The following ACAD9 variants were observed in gnomAD, a reference collection of about 807,000 sequenced individuals.
ACAD9 encodes complex I assembly factor ACAD9, mitochondrial.
ACAD9 carries 53 observed loss-of-function variants against 70.2 expected under a neutral mutation model. That is an observed-to-expected ratio of 0.75 (90% CI 0.61 to 0.95). The LOEUF (loss-of-function observed/expected upper bound fraction) is 0.95. Ranked by LOEUF, ACAD9 falls within the 40% of genes least tolerant of loss-of-function variation. The probability of loss-of-function intolerance (pLI) is 0.00; values close to 1 mark genes in which losing one functional copy is unlikely to be tolerated. For missense variants in ACAD9, 777 were observed against 802.8 expected, an observed-to-expected ratio of 0.97 and a Z score of 0.39; for synonymous variants, 313 against 312.1, an observed-to-expected ratio of 1.00 and a Z score of -0.03.
At chr3:128,894,334 A>G (rs968040084) in intron 3 of ACAD9, among the ~76,000 whole-genome samples, 1 of 152,210 alleles carries the variant, frequency 6.6e-6, no homozygotes, top group African/African-American at 2.4e-5. Context: ...GATACTGGGC[A>G]GTGGGTCACA....
intron 2 of ACAD9, among the ~76,000 whole-genome samples, chr3:128,891,504 C>G (rs938605725): frequency 1.3e-5 from 2 of 152,166 alleles, no homozygotes; most frequent in Admixed American, 1.3e-4. Flanking sequence ...ACCTGTAATC[C>G]CAGCTACTTG....
intron 1 of ACAD9, among the ~76,000 whole-genome samples, chr3:128,881,732 TC>T (rs928504012): frequency 1.3e-5 from 2 of 152,184 alleles, no homozygotes; most frequent in Non-Finnish European, 2.9e-5. Context: ...CGCACTTTCG[TC>T]TCTGGTTTCT....
At chr3:128,880,942 T>C (rs1935074940) in intron 1 of ACAD9, among the ~76,000 whole-genome samples, 1 of 152,216 alleles carries the variant, frequency 6.6e-6, no homozygotes. Context: ...TGTATTTCAT[T>C]TTATCTTCTA....
chr3:128,887,836 AC>A (rs1935299053), intron 2 of ACAD9, among the ~76,000 whole-genome samples: 1 of 152,010 alleles, frequency 6.6e-6, no homozygotes, highest in African/African-American at 2.4e-5. Context: ...ATACAAAAAT[AC>A]ACCTATTTCA....
intron 1 of ACAD9, among the ~76,000 whole-genome samples, chr3:128,880,593 T>C (rs562969836): frequency 6.6e-6 from 1 of 152,108 alleles, no homozygotes; most frequent in East Asian, 1.9e-4. Context: ...TTTCACCATG[T>C]TGGCCAAGCT....
In ACAD9 at chr3:128,912,617, C is replaced by G. The variant is rs766491768; in HGVS notation, c.*10C>G. The G allele has an allele frequency of 5.6e-6, 9 of 1,611,022 alleles. No individual in the cohort carries two copies. The highest frequency in any genetic ancestry group is 7.6e-6 in the Non-Finnish European group (9 of 1,177,286). On this transcript the variant is annotated 3_prime_UTR_variant, in exon 18 of 18. Transcript: ENST00000308982. ...GGACAGGACATGCTGAGGCAGGGGA[C>G]AGTGTCCCCTGCTACCGCCCGCCCC...
chr3:128,907,535 C>T (rs989735774), intron 12 of ACAD9, among the ~76,000 whole-genome samples: 2 of 152,232 alleles, frequency 1.3e-5, no homozygotes, highest in East Asian at 3.9e-4. Context: ...CCTGCAGTCC[C>T]CCCTTTTCCT....
chr3:128,897,635 G>A lies in ACAD9; in HGVS notation c.558G>A (p.Gly186=). 6.2e-7 allele frequency: 1 copy of A among 1,613,156 alleles called. No homozygotes were observed. Among genetic ancestry groups the A allele is most frequent in the South Asian group, 1.1e-5 (1 of 90,920 alleles). The change falls in exon 6 of 18, where the codon GGG becomes GGA. Residue 186 remains glycine (G), a synonymous_variant. Transcript: ENST00000308982. The stretch of plus-strand genomic sequence containing the variant: ...CCACATCTTTCTGCATCTGCAGTGG[G>A]AGCGATGCAGCCTCAATCCGGAGCA... ...AAFCLTEPAS[G]SDAASIRSRA...
In ACAD9 at chr3:128,882,812, C is replaced by G. The variant is rs116430492; in HGVS notation, c.151-1841C>G. On this transcript the variant is annotated intron_variant, in intron 1 of 17. Coordinates refer to ENST00000308982, the MANE Select transcript of ACAD9 (RefSeq NM_014049.5). ...CTGTTTATTGCAATTGAACTCTCCT[C>G]CCCTAAGGCATTGACCTGATTTGAT... Among the ~76,000 whole-genome samples the G allele has an allele frequency of 9.6e-3, 1,460 of 152,344 alleles. 11 individuals carry two copies. Among genetic ancestry groups the G allele is most frequent in the Non-Finnish European group, 0.016 (1,114 of 68,026 alleles).
chr3:128,893,378 C>T (rs1935477383), intron 2 of ACAD9, 177 bp from the exon 3 acceptor site: 1 of 546,466 alleles, frequency 1.8e-6, no homozygotes, highest in Admixed American at 3.2e-5. Flanking sequence ...AAAATTTTTC[C>T]TGGGCTCATT....
chr3:128,910,281 T>TG, intron 16 of ACAD9, 132 bp downstream of exon 16: 1 of 1,520,902 alleles, frequency 6.6e-7, no homozygotes, highest in Non-Finnish European at 8.8e-7. Flanking sequence ...GCGGTGGCCG[T>TG]GGGAGGGTCT....
intron 2 of ACAD9, among the ~76,000 whole-genome samples, chr3:128,888,183 T>C (rs1935308264): frequency 6.6e-6 from 1 of 152,218 alleles, no homozygotes; most frequent in Non-Finnish European, 1.5e-5. Flanking sequence ...AACATGGTAC[T>C]TTGGACTATA....
At position 128,894,939 on chromosome 3, in the gene ACAD9, C is replaced by T. The variant is rs1354167646; in HGVS notation, c.347-371C>T. Among the ~76,000 whole-genome samples the T allele has an allele frequency of 1.2e-4, 16 of 139,018 alleles. 1 individual carries two copies. Among genetic ancestry groups the T allele is most frequent in the Admixed American group, 9.3e-4 (12 of 12,950 alleles). The allele number at this position is 139,018 out of a possible 152,430, so 91.2% of individuals were successfully genotyped here. Reference sequence around the variant, plus strand: ...TTGCCCAAGCTAGAGTGCAGTGGTGCGATCTTGGCTCACTGCAATCCCTGC... The same window carrying T: ...TTGCCCAAGCTAGAGTGCAGTGGTGTGATCTTGGCTCACTGCAATCCCTGC... On this transcript the variant is annotated intron_variant, in intron 3 of 17. Coordinates refer to ENST00000308982, the MANE Select transcript of ACAD9 (RefSeq NM_014049.5).
chr3:128,910,128 G>A lies in ACAD9; in HGVS notation c.1671G>A (p.Gly557=), dbSNP rs991741671. ...LSRASRSIRI[G]LRNHDHEVLL... ...GGGCCAGCCGCTCCATCCGCATTGG[G>A]CTCCGCAACCACGACCACGAGGTGA... Residue 557 remains glycine, a synonymous_variant, in exon 16 of 18, where the codon GGG becomes GGA. Transcript: ENST00000308982. 7.4e-6 allele frequency: 12 copies of A among 1,613,930 alleles called. No homozygotes were observed. In the Admixed American group the frequency reaches 2.0e-4, roughly 27 times the overall value.
At position 128,912,828 on chromosome 3, in the gene ACAD9, C is replaced by T. The variant is rs189130789; in HGVS notation, c.*221C>T. On this transcript the variant is annotated 3_prime_UTR_variant, in exon 18 of 18. Transcript: ENST00000308982. ...GACCATCACAGCTTCTGAACTGAGCCGGAGAGAGAGAATGGAATTGCTGAC... is the reference window on the plus strand; with the variant it reads ...GACCATCACAGCTTCTGAACTGAGCTGGAGAGAGAGAATGGAATTGCTGAC... 2.8e-4 allele frequency: 195 copies of T among 699,164 alleles called. No individual in the cohort carries two copies. The highest frequency in any genetic ancestry group is 9.2e-4 in the South Asian group (67 of 73,146). The allele number at this position is 699,164 out of a possible 1,614,324, so 43.3% of individuals were successfully genotyped here. A position where few individuals can be genotyped will look rare whatever the true frequency, so the allele number is the denominator to read the frequency against.
rs775330327 is a variant in ACAD9, at chr3:128,896,481, C to A, written c.499C>A (p.Pro167Thr). The change falls in exon 5 of 18, where the codon CCT (proline) becomes ACT (threonine). Residue 167 changes from proline (P) to threonine (T), a missense_variant. Pro to Thr is a conservative substitution (Grantham distance 38, BLOSUM62 -1). Coordinates refer to ENST00000308982, the MANE Select transcript of ACAD9 (RefSeq NM_014049.5). ...GTEEQKAKYL[P>T]KLASGEHIAA... is the part of the protein sequence containing the mutation. ...TGAGGAGCAGAAAGCCAAATACTTG[C>A]CTAAACTGGCGTCCGGGGAGCACAT... The A allele has an allele frequency of 2.5e-6, 4 of 1,614,088 alleles. No individual in the cohort carries two copies. The highest frequency in any genetic ancestry group is 2.7e-5 in the African/African-American group (2 of 74,924).
chr3:128,904,096 G>GT lies in ACAD9; in HGVS notation c.996dup (p.Asn333Ter), dbSNP rs56211699. On this transcript the variant is annotated frameshift_variant, in exon 10 of 18. Coordinates refer to ENST00000308982, the MANE Select transcript of ACAD9 (RefSeq NM_014049.5). LOFTEE classifies it high-confidence loss of function. ...CTGAGTACGCCTGCACAAGGAAACA[G>GT]TTTAACAAGAGGCTCAGTGAATTTG... is the stretch of plus-strand genomic sequence containing the variant. 1 of 1,614,228 alleles carries GT rather than the reference G, an allele frequency of 6.2e-7. No homozygotes were observed. Among genetic ancestry groups the GT allele is most frequent in the Admixed American group, 1.7e-5 (1 of 60,024 alleles).
Position 128,893,559 on chromosome 3 carries a change from C to A in ACAD9, c.249C>A (p.Asp83Glu), listed in dbSNP as rs769923603. The A allele has an allele frequency of 4.3e-6, 7 of 1,613,664 alleles. No homozygotes were observed. The highest frequency in any genetic ancestry group is 1.3e-5 in the African/African-American group (1 of 75,034). The change falls in exon 3 of 18, where the codon GAC (aspartate) becomes GAA (glutamate). Residue 83 changes from aspartate to glutamate, a missense_variant. Physicochemically the swap from Asp to Glu is conservative, Grantham distance 45. Coordinates refer to ENST00000308982, the MANE Select transcript of ACAD9 (RefSeq NM_014049.5). ...PVEKFFTEEV[D>E]SRKIDQEGKI... ...TCAAGATTTTCCTCTTGGCAGTGGA[C>A]TCCCGAAAAATTGACCAGGAAGGGA... is the stretch of plus-strand genomic sequence containing the variant.
chr3:128,904,291 T>C (rs1935825891), intron 10 of ACAD9, 95 bp from the exon 11 acceptor site: 67 of 1,608,740 alleles, frequency 4.2e-5, no homozygotes, highest in Non-Finnish European at 5.4e-5. Context: ...CTCTTGGGCA[T>C]TGAGGCTTCT....
Sources: allele counts gnomAD v4.1 joint callset (sites outside exome capture counted in the v4.1 genomes callset), GRCh38; gene constraint gnomAD v4.1.1; transcripts MANE v1.5; gene names NCBI Gene and HGNC (gene_info 2026-07-23, HGNC 2026-07-21).